Variants in SSBP2 observed in about 807,000 individuals in gnomAD.
SSBP2 encodes single stranded DNA binding protein 2.
SSBP2 carries 17 observed loss-of-function variants against 61.8 expected under a neutral mutation model. The ratio of observed to expected loss-of-function variants is 0.28; its 90% CI spans 0.19 to 0.41. The LOEUF (loss-of-function observed/expected upper bound fraction) is 0.41. SSBP2 is among the 10% of genes least tolerant of loss of function. The pLI is 1.00. For missense variants in SSBP2, 310 were observed against 458.7 expected (o/e 0.68, Z 2.96); for synonymous variants, 139 against 141.3 (o/e 0.98, Z 0.12).
At chr5:81,574,420 G>A (rs1774056632) in intron 4 of SSBP2, among the ~76,000 whole-genome samples, 1 of 151,948 alleles carries the variant, frequency 6.6e-6, no homozygotes, top group Non-Finnish European at 1.5e-5. Context: ...GAGCATAAAT[G>A]ATAGATAGGA....
At chr5:81,436,960 A>G (rs1762711605) in intron 15 of SSBP2, among the ~76,000 whole-genome samples, 1 of 152,158 alleles carries the variant, frequency 6.6e-6, no homozygotes, top group African/African-American at 2.4e-5. Context: ...GACTAGAATA[A>G]TTATTGTGGA....
At position 81,517,173 on chromosome 5, in the gene SSBP2, A is replaced by G. The variant is rs373515520; in HGVS notation, c.283-3456T>C. On this transcript the variant is annotated intron_variant, in intron 4 of 16. Coordinates refer to ENST00000320672, the MANE Select transcript of SSBP2 (RefSeq NM_012446.5). ...CTCTCTTAAAAGAGAAAAACATACAAATAATATGGGTTTACAGTATTTCCT... is the reference window on the plus strand; with the variant it reads ...CTCTCTTAAAAGAGAAAAACATACAGATAATATGGGTTTACAGTATTTCCT... Among the ~76,000 whole-genome samples the G allele has an allele frequency of 5.9e-5, 9 of 152,196 alleles. No individual in the cohort carries two copies. In the East Asian group the frequency reaches 1.2e-3, roughly 20 times the overall value.
In SSBP2 at chr5:81,417,524, G is replaced by A. The variant is rs1263200890; in HGVS notation, c.*2980C>T. On this transcript the variant is annotated 3_prime_UTR_variant, in exon 17 of 17. Transcript: ENST00000320672. Reference sequence around the variant, plus strand: ...TGATATTATTACTGTGAGATGACGTGTAAAAATAACACTAGGAACAGGTAG... The same window carrying A: ...TGATATTATTACTGTGAGATGACGTATAAAAATAACACTAGGAACAGGTAG... 1 of 152,116 alleles carries A rather than the reference G, an allele frequency of 6.6e-6. No individual in the cohort carries two copies. Among genetic ancestry groups the A allele is most frequent in the Admixed American group, 6.5e-5 (1 of 15,268 alleles). The allele number at this position is 152,116 out of a possible 1,614,324, so 9.4% of individuals were successfully genotyped here.
intron 1 of SSBP2, among the ~76,000 whole-genome samples, chr5:81,734,735 G>A (rs187352519): frequency 1.8e-4 from 28 of 152,238 alleles, no homozygotes; most frequent in East Asian, 5.8e-4. Context: ...ACTTTGGGAG[G>A]CCGAGGCGGG....
intron 4 of SSBP2, among the ~76,000 whole-genome samples, chr5:81,568,569 C>T (rs1169704703): frequency 2.6e-5 from 4 of 152,196 alleles, no homozygotes; most frequent in Non-Finnish European, 4.4e-5. Context: ...GACAACTTTA[C>T]TCTGTCCCAT....
chr5:81,714,058 G>A (rs952650722), intron 1 of SSBP2, among the ~76,000 whole-genome samples: 11 of 151,878 alleles, frequency 7.2e-5, no homozygotes, highest in Non-Finnish European at 2.9e-5. Context: ...CCCTCCCCTA[G>A]GCCCCCATCC....
intron 16 of SSBP2, among the ~76,000 whole-genome samples, chr5:81,422,681 A>C (rs1761687157): frequency 6.6e-6 from 1 of 152,198 alleles, no homozygotes; most frequent in African/African-American, 2.4e-5. Context: ...AAAAAAATAG[A>C]GGGAAACTGC....
intron 1 of SSBP2, among the ~76,000 whole-genome samples, chr5:81,725,520 CAA>C (rs1384504942): frequency 6.6e-6 from 1 of 151,942 alleles, no homozygotes; most frequent in Non-Finnish European, 1.5e-5. Flanking sequence ...TCTGAAAAAT[CAA>C]AGTTCTCCCA....
chr5:81,668,239 A>G (rs1284028792), intron 1 of SSBP2, among the ~76,000 whole-genome samples: 1 of 122,124 alleles, frequency 8.2e-6, no homozygotes, highest in Non-Finnish European at 1.7e-5. Flanking sequence ...TAGAGCTTAT[A>G]TGGAAGTTTA....
chr5:81,739,803 C>G (rs551326829), intron 1 of SSBP2, among the ~76,000 whole-genome samples: 61 of 152,132 alleles, frequency 4.0e-4, no homozygotes, highest in Non-Finnish European at 8.7e-4. Context: ...GCCCTACTTT[C>G]TTACGCTATT....
chr5:81,719,982 T>C (rs958166218), intron 1 of SSBP2, among the ~76,000 whole-genome samples: 2 of 152,056 alleles, frequency 1.3e-5, no homozygotes, highest in Non-Finnish European at 2.9e-5. Flanking sequence ...ATTGGCTGTT[T>C]TACATATGAA....
intron 1 of SSBP2, among the ~76,000 whole-genome samples, chr5:81,699,476 G>A (rs1473104227): frequency 6.6e-6 from 1 of 152,194 alleles, no homozygotes; most frequent in African/African-American, 2.4e-5. Context: ...ACCAGAAGCA[G>A]ATTCTATCTC....
intron 6 of SSBP2, among the ~76,000 whole-genome samples, chr5:81,488,010 A>AATATATATATAT (rs59039206): frequency 2.7e-3 from 105 of 38,696 alleles, no homozygotes; most frequent in South Asian, 7.6e-3. Context: ...ATGGCCAAAT[A>AATATATATATAT]ATATATATAT....
intron 1 of SSBP2, among the ~76,000 whole-genome samples, chr5:81,713,556 C>T (rs1331009508): frequency 6.6e-6 from 1 of 152,148 alleles, no homozygotes. Flanking sequence ...GGGAATCTGA[C>T]CAGCCTAAAA....
intron 5 of SSBP2, among the ~76,000 whole-genome samples, chr5:81,506,697 C>T (rs997496665): frequency 3.9e-5 from 6 of 151,994 alleles, no homozygotes; most frequent in East Asian, 3.9e-4. Flanking sequence ...TGTATATAAA[C>T]GGCTGGATTT....
chr5:81,739,413 C>T (rs1156647823), intron 1 of SSBP2, among the ~76,000 whole-genome samples: 3 of 152,148 alleles, frequency 2.0e-5, no homozygotes, highest in Admixed American at 1.3e-4. Flanking sequence ...CAATAAACAT[C>T]CTCTTAGAAA....
At chr5:81,544,271 A>AT (rs1324128067) in intron 4 of SSBP2, among the ~76,000 whole-genome samples, 1 of 151,720 alleles carries the variant, frequency 6.6e-6, no homozygotes, top group Non-Finnish European at 1.5e-5. Context: ...CTGGTCTTCA[A>AT]CTCCTGACCT....
intron 5 of SSBP2, among the ~76,000 whole-genome samples, chr5:81,493,280 AG>A (rs1767013923): frequency 1.3e-5 from 2 of 151,766 alleles, no homozygotes; most frequent in South Asian, 2.1e-4. Flanking sequence ...ATAGATAGAT[AG>A]ATAGATAGAT....
intron 4 of SSBP2, among the ~76,000 whole-genome samples, chr5:81,564,612 C>T (rs1773289891): frequency 6.6e-6 from 1 of 152,158 alleles, no homozygotes. Context: ...TATCTCAGGA[C>T]TGTGAACCAA....
Sources: gnomAD v4.1 joint callset for allele counts (sites outside exome capture counted in the v4.1 genomes callset) on GRCh38, gnomAD v4.1.1 for gene constraint, MANE v1.5 for transcripts, NCBI Gene and HGNC (gene_info 2026-07-23, HGNC 2026-07-21) for gene names.